Variants in NT5C2 observed in about 807,000 individuals in gnomAD.
The protein encoded by NT5C2 is cytosolic purine 5'-nucleotidase.
Under a neutral mutation model 76.1 loss-of-function variants are expected in NT5C2, and 58 were observed. The observed-to-expected ratio is 0.76, with a 90% CI of 0.62 to 0.95. The LOEUF is 0.95. Among genes scored for constraint, NT5C2 ranks in the 40% least tolerant of loss-of-function variants. The pLI is 0.00. For missense variants in NT5C2, 478 were observed against 690.3 expected (o/e 0.69, Z 3.45); for synonymous variants, 229 against 237.4 (o/e 0.96, Z 0.32).
At chr10:103,189,006 A>G (rs1290454931) in intron 1 of NT5C2, among the ~76,000 whole-genome samples, 1 of 150,990 alleles carries the variant, frequency 6.6e-6, no homozygotes, top group Non-Finnish European at 1.5e-5. Flanking sequence ...CGTCTCGGAA[A>G]AAAAAAAAGA....
chr10:103,093,934 G>T, intron 14 of NT5C2, 38 bp downstream of exon 14: 2 of 1,486,692 alleles, frequency 1.3e-6, no homozygotes, highest in Non-Finnish European at 1.9e-6. Flanking sequence ...TGTGAGGTCT[G>T]AGCAAAGACA....
intron 3 of NT5C2, among the ~76,000 whole-genome samples, chr10:103,156,206 GACCT>G (rs2083341735): frequency 6.6e-6 from 1 of 152,066 alleles, no homozygotes; most frequent in Non-Finnish European, 1.5e-5. Context: ...AAGGTGGGGA[GACCT>G]ACGGGGGGAT....
At chr10:103,090,258 C>T in intron 18 of NT5C2, 1 of 328,094 alleles carries the variant, frequency 3.0e-6, no homozygotes, top group Non-Finnish European at 5.6e-6. Context: ...CTCGCTGTCA[C>T]CCAGGCTGGA....
At chr10:103,183,334 CTTTTTTT>C (rs377139530) in intron 1 of NT5C2, among the ~76,000 whole-genome samples, 2 of 88,474 alleles carry the variant, frequency 2.3e-5, no homozygotes, top group Non-Finnish European at 4.2e-5. Context: ...AAATTATTAG[CTTTTTTT>C]TTTTTTTTTT....
chr10:103,136,027 C>T (rs936152276), intron 4 of NT5C2, among the ~76,000 whole-genome samples: 3 of 152,090 alleles, frequency 2.0e-5, no homozygotes, highest in African/African-American at 7.2e-5. Flanking sequence ...GCACAGGTTG[C>T]AGTGAGCCAG....
chr10:103,089,693 CTCT>C lies in NT5C2; in HGVS notation c.1662_1664del (p.Glu561del), dbSNP rs1380291300. ...CTCCTTATTCTTCCTCCTCCTCCTC[CTCT>C]TCATCATCATCTTCGTCATGGCAGT... On this transcript the variant is annotated inframe_deletion, in exon 19 of 19. Coordinates refer to ENST00000404739, the MANE Select transcript of NT5C2 (RefSeq NM_001351169.2). 5 of 1,607,780 alleles carry C rather than the reference CTCT, an allele frequency of 3.1e-6. No homozygotes were observed. Among genetic ancestry groups the C allele is most frequent in the Non-Finnish European group, 2.5e-6 (3 of 1,176,920 alleles).
intron 12 of NT5C2, among the ~76,000 whole-genome samples, chr10:103,094,853 G>GC (rs1274794813): frequency 7.0e-6 from 1 of 143,772 alleles, no homozygotes; most frequent in Non-Finnish European, 1.5e-5. Flanking sequence ...CTGCACTCCA[G>GC]CTTGGCAACA....
chr10:103,099,915 C>G lies in NT5C2; in HGVS notation c.633+11G>C. On this transcript the variant is annotated intron_variant, in intron 9 of 18. Transcript: ENST00000404739. ...AGAAAGCAAGCAGGTGAAGAAACAG[C>G]TTCTAGGTACCTTGTAATGAACCCA... 6.4e-7 allele frequency: 1 copy of G among 1,570,920 alleles called. No homozygotes were observed. The highest frequency in any genetic ancestry group is 1.1e-5 in the South Asian group (1 of 89,918).
intron 4 of NT5C2, 98 bp downstream of exon 4, chr10:103,139,308 A>C (rs1591371435): frequency 1.5e-5 from 10 of 678,672 alleles, no homozygotes; most frequent in Non-Finnish European, 2.1e-5. Context: ...AGCCAAATAC[A>C]TGATTAAGTC....
At chr10:103,119,496 C>A (rs891841060) in intron 4 of NT5C2, among the ~76,000 whole-genome samples, 5 of 152,188 alleles carry the variant, frequency 3.3e-5, no homozygotes, top group African/African-American at 4.8e-5. Context: ...TGCACAAGTT[C>A]TATATTTTCC....
At chr10:103,100,450 T>G (rs2069284159) in intron 8 of NT5C2, among the ~76,000 whole-genome samples, 1 of 152,172 alleles carries the variant, frequency 6.6e-6, no homozygotes, top group Non-Finnish European at 1.5e-5. Context: ...TTCCACCAAA[T>G]TTAGTGTCTT....
chr10:103,139,491 AAT>A lies in NT5C2; in HGVS notation c.102-14_102-13del. The stretch of plus-strand genomic sequence containing the variant: ...GGTTCACAAACACCCTATAGAAAAT[AAT>A]AAAAAATAATATCTCAACACTGGAA... On this transcript the variant is annotated splice_polypyrimidine_tract_variant and intron_variant, in intron 3 of 18. Transcript: ENST00000404739. 3 of 1,469,828 alleles carry A rather than the reference AAT, an allele frequency of 2.0e-6. No homozygotes were observed. The highest frequency in any genetic ancestry group is 2.8e-6 in the Non-Finnish European group (3 of 1,074,794). The allele number at this position is 1,469,828 out of a possible 1,614,324, so 91.0% of individuals were successfully genotyped here.
chr10:103,139,757 T>A (rs1179766467), intron 3 of NT5C2, among the ~76,000 whole-genome samples: 2 of 152,202 alleles, frequency 1.3e-5, no homozygotes, highest in Non-Finnish European at 2.9e-5. Flanking sequence ...TTTATTGTGG[T>A]ACAAGTACTT....
chr10:103,158,558 TAAC>T (rs1466773688), intron 3 of NT5C2, among the ~76,000 whole-genome samples: 2 of 152,014 alleles, frequency 1.3e-5, no homozygotes, highest in Non-Finnish European at 2.9e-5. Flanking sequence ...GGCTCACACT[TAAC>T]AATCCCAGCA....
At position 103,089,735 on chromosome 10, in the gene NT5C2, G is replaced by A; in HGVS notation, c.1623C>T (p.Pro541=). Residue 541 remains proline, a synonymous_variant, in exon 19 of 19, where the codon CCC becomes CCT. Transcript: ENST00000404739. ...IKPPNLFPLA[P]QEITHCHDED... ...CGTCATGGCAGTGTGTAATTTCCTG[G>A]GGGGCCAGTGGGAAGAGGTTGGGAG... 1 of 1,613,638 alleles carries A rather than the reference G, an allele frequency of 6.2e-7. No individual in the cohort carries two copies. Among genetic ancestry groups the A allele is most frequent in the South Asian group, 1.1e-5 (1 of 91,004 alleles).
intron 1 of NT5C2, 78 bp from the exon 2 acceptor site, chr10:103,181,406 C>T (rs982133528): frequency 2.6e-5 from 4 of 152,018 alleles, no homozygotes; most frequent in African/African-American, 4.8e-5. Context: ...TCACCCTCCC[C>T]CAAAGAAAGG....
At chr10:103,099,774 CA>C in intron 9 of NT5C2, 151 bp downstream of exon 9, 2 of 492,806 alleles carry the variant, frequency 4.1e-6, no homozygotes. Context: ...AAGACAAGAA[CA>C]AATGTATTCT....
intron 4 of NT5C2, among the ~76,000 whole-genome samples, chr10:103,129,455 A>G (rs1326674550): frequency 2.1e-4 from 14 of 68,150 alleles, no homozygotes; most frequent in South Asian, 7.1e-4. Context: ...CCGGCCAGCC[A>G]CCCCGTCCGG....
At chr10:103,183,279 A>ATATATTT (rs2091478032) in intron 1 of NT5C2, among the ~76,000 whole-genome samples, 1 of 133,586 alleles carries the variant, frequency 7.5e-6, no homozygotes, top group Non-Finnish European at 1.6e-5. Flanking sequence ...ATATATATAT[A>ATATATTT]TATATATATA....
Sources: allele counts gnomAD v4.1 joint callset (sites outside exome capture counted in the v4.1 genomes callset), GRCh38; gene constraint gnomAD v4.1.1; transcripts MANE v1.5; gene names NCBI Gene and HGNC (gene_info 2026-07-23, HGNC 2026-07-21).